CD8B: variants seen among roughly 807,000 people sequenced by gnomAD.
CD8B encodes the protein CD8 subunit beta, also known as T-cell surface glycoprotein CD8 beta chain.
A neutral mutation model predicts 24.2 loss-of-function variants in CD8B; 6 were observed. The ratio of observed to expected loss-of-function variants is 0.25; its 90% CI spans 0.14 to 0.49. CD8B has a LOEUF of 0.49. Ranked by LOEUF, CD8B falls within the 20% of genes least tolerant of loss-of-function variation. CD8B has a pLI of 0.98. For missense variants in CD8B, 196 were observed against 271.3 expected (o/e 0.72, Z 1.95); for synonymous variants, 84 against 108.3 (o/e 0.78, Z 1.39).
At chr2:86,827,621 C>CAA (rs61256363) in intron 5 of CD8B, among the ~76,000 whole-genome samples, 14 of 126,380 alleles carry the variant, frequency 1.1e-4, no homozygotes, top group East Asian at 4.9e-4. Context: ...GACCCTATCT[C>CAA]AAAAAAAAAA....
rs746569858 is a variant in CD8B at position 86,829,095 on chromosome 2, C to CTTTTTTTTTTTT, written c.621-13389_621-13378dup. Among the ~76,000 whole-genome samples, 444 of 82,978 alleles carry CTTTTTTTTTTTT rather than the reference C, an allele frequency of 5.4e-3. 33 individuals are homozygous for CTTTTTTTTTTTT. Among genetic ancestry groups the CTTTTTTTTTTTT allele is most frequent in the Non-Finnish European group, 7.9e-3 (349 of 44,454 alleles). The allele number at this position is 82,978 out of a possible 152,430, so 54.4% of individuals were successfully genotyped here. ...TTACCATTTTGGCATATGCTCTTTA[C>CTTTTTTTTTTTT]TTTTTTTTTTTTTTTTTTTTTTGAG... On this transcript the variant is annotated intron_variant, in intron 5 of 5. Coordinates refer to the CD8B transcript ENST00000331469.
downstream of CD8B, among the ~76,000 whole-genome samples, chr2:86,838,161 A>G (rs1162700394): frequency 1.3e-5 from 2 of 152,242 alleles, no homozygotes; most frequent in Non-Finnish European, 2.9e-5. Context: ...CAATGGCCAG[A>G]GGTTCTTTTT....
At chr2:86,861,721 G>C (rs1434666258) in intron 1 of CD8B, 102 bp downstream of exon 1, 18 of 950,406 alleles carry the variant, frequency 1.9e-5, no homozygotes, top group Non-Finnish European at 2.5e-5. Flanking sequence ...CGGGCTCGAC[G>C]CTGCACCCTG....
At chr2:86,824,329 C>T (rs2104501752) in intron 5 of CD8B, among the ~76,000 whole-genome samples, 1 of 152,198 alleles carries the variant, frequency 6.6e-6, no homozygotes, top group Admixed American at 6.5e-5. Flanking sequence ...GCCAAATCAG[C>T]CCGAAACCCC....
rs554853538 is a variant in CD8B at position 86,854,275 on chromosome 2, C to T, written c.404-1189G>A. Reference sequence around the variant, plus strand: ...GCCTTTGGCACAACGAGCCCCTCCGCCCAACTCGGCATTCCCTAAGCACAT... The same window carrying T: ...GCCTTTGGCACAACGAGCCCCTCCGTCCAACTCGGCATTCCCTAAGCACAT... On this transcript the variant is annotated intron_variant, in intron 2 of 5. Coordinates refer to ENST00000390655, the MANE Select transcript of CD8B (RefSeq NM_004931.5). Among the ~76,000 whole-genome samples the T allele has an allele frequency of 3.2e-3, 488 of 152,280 alleles. 2 individuals are homozygous for T. Among genetic ancestry groups the T allele is most frequent in the African/African-American group, 0.011 (468 of 41,548 alleles).
At chr2:86,815,624 A>G (rs1186144128) in exon 6 of CD8B, 3 of 1,608,466 alleles carry the variant, frequency 1.9e-6, no homozygotes, top group Non-Finnish European at 2.6e-6. Flanking sequence ...TTCAGGATCC[A>G]TGGGTTAAGC....
intron 4 of CD8B, among the ~76,000 whole-genome samples, chr2:86,846,020 G>A (rs1262510278): frequency 6.6e-6 from 1 of 152,226 alleles, no homozygotes; most frequent in Non-Finnish European, 1.5e-5. Flanking sequence ...AGGTGGCACA[G>A]GTGAGCAGAA....
Position 86,842,146 on chromosome 2 carries a change from C to CA in CD8B, c.*160dup, listed in dbSNP as rs1476665137. On this transcript the variant is annotated 3_prime_UTR_variant, in exon 6 of 6. Coordinates refer to ENST00000390655, the MANE Select transcript of CD8B (RefSeq NM_004931.5). ...GACCCACGAACAAGTTGCTCCCATG[C>CA]ACATCACACACAGAAAGGCCTTGCA... is the stretch of plus-strand genomic sequence containing the variant. 2 of 1,475,822 alleles carry CA rather than the reference C, an allele frequency of 1.4e-6. No homozygotes were observed. Among genetic ancestry groups the CA allele is most frequent in the Admixed American group, 5.0e-5 (2 of 40,092 alleles). The allele number at this position is 1,475,822 out of a possible 1,614,324, so 91.4% of individuals were successfully genotyped here.
At chr2:86,821,373 C>A (rs1674460087) in intron 5 of CD8B, among the ~76,000 whole-genome samples, 3 of 152,164 alleles carry the variant, frequency 2.0e-5, no homozygotes, top group African/African-American at 4.8e-5. Flanking sequence ...CCTCGTTCTG[C>A]GGTTAAGAAA....
At chr2:86,845,855 T>A (rs937160574) in intron 4 of CD8B, among the ~76,000 whole-genome samples, 1 of 152,228 alleles carries the variant, frequency 6.6e-6, no homozygotes, top group African/African-American at 2.4e-5. Context: ...AGTATGCTCC[T>A]GGGTGCATTT....
chr2:86,846,793 CAT>C lies in CD8B; in HGVS notation c.494-22_494-21del, dbSNP rs529222140. The C allele has an allele frequency of 2.6e-4, 393 of 1,531,554 alleles. 2 individuals carry two copies. In the African/African-American group the frequency reaches 4.9e-3, roughly 19 times the overall value. The allele number at this position is 1,531,554 out of a possible 1,614,324, so 94.9% of individuals were successfully genotyped here. ...GTGGGCCTGGAAAACACACATGTGA[CAT>C]GTGTTCAACACGGAACATTTTTCTG... On this transcript the variant is annotated intron_variant, in intron 3 of 5. Transcript: ENST00000390655.
At chr2:86,833,851 A>G (rs1484299887), downstream of CD8B, among the ~76,000 whole-genome samples, 3 of 151,754 alleles carry the variant, frequency 2.0e-5, no homozygotes. Context: ...GGGTTTCACC[A>G]TCTTGACCAG....
downstream of CD8B, among the ~76,000 whole-genome samples, chr2:86,833,658 T>TTCCTTCCTTCCTTCCG: frequency 8.5e-6 from 1 of 117,082 alleles, no homozygotes; most frequent in Non-Finnish European, 1.8e-5. Context: ...CCTTCCTTCC[T>TTCCTTCCTTCCTTCCG]TCCTTTTCTT....
chr2:86,857,468 T>C (rs1372848970), intron 2 of CD8B, among the ~76,000 whole-genome samples: 2 of 152,114 alleles, frequency 1.3e-5, no homozygotes, highest in Non-Finnish European at 2.9e-5. Context: ...CCTGTAATCC[T>C]AGCGCTTTGG....
At chr2:86,825,194 G>A (rs1302904797) in intron 5 of CD8B, among the ~76,000 whole-genome samples, 1 of 152,128 alleles carries the variant, frequency 6.6e-6, no homozygotes, top group South Asian at 2.1e-4. Flanking sequence ...GTGTCGGTGT[G>A]GGGGGTGTGC....
chr2:86,828,851 A>G (rs1286504932), intron 5 of CD8B, among the ~76,000 whole-genome samples: 1 of 152,066 alleles, frequency 6.6e-6, no homozygotes, highest in South Asian at 2.1e-4. Flanking sequence ...AGTTGTTCTA[A>G]TAACTCTTCA....
chr2:86,838,338 T>C lies in CD8B; in HGVS notation c.*3969A>G, dbSNP rs554776809. 6.6e-6 allele frequency among the ~76,000 whole-genome samples: 1 copy of C among 152,242 alleles called. No homozygotes were observed. The highest frequency in any genetic ancestry group is 2.4e-5 in the African/African-American group (1 of 41,548). On this transcript the variant is annotated 3_prime_UTR_variant, in exon 6 of 6. Transcript: ENST00000390655. ...TTTCCTGTACATATACAAACAAATA[T>C]ACCCGGAGGCCTTGATTTATTATTA...
intron 2 of CD8B, among the ~76,000 whole-genome samples, chr2:86,857,552 C>T (rs1041393825): frequency 3.9e-5 from 6 of 151,976 alleles, no homozygotes; most frequent in African/African-American, 1.5e-4. Flanking sequence ...AATCTCGTCT[C>T]CACTAAAAAT....
intron 1 of CD8B, among the ~76,000 whole-genome samples, 165 bp from the exon 2 acceptor site, chr2:86,858,581 G>A (rs1676406205): frequency 7.1e-6 from 1 of 140,412 alleles, no homozygotes; most frequent in South Asian, 2.3e-4. Context: ...TGGACTCAGA[G>A]TTCACATACC....
Sources: allele counts gnomAD v4.1 joint callset (sites outside exome capture counted in the v4.1 genomes callset), GRCh38; gene constraint gnomAD v4.1.1; transcripts MANE v1.5; gene names NCBI Gene and HGNC (gene_info 2026-07-23, HGNC 2026-07-21).